Variants in ZNF667 observed in about 807,000 individuals in gnomAD.
ZNF667 encodes zinc finger protein 667.
A neutral mutation model predicts 31.8 loss-of-function variants in ZNF667; 13 were observed. That is an observed-to-expected ratio of 0.41 (90% confidence interval 0.27 to 0.65). The LOEUF is 0.65. ZNF667 is among the 30% of genes least tolerant of loss of function. ZNF667 has a pLI of 0.32. For synonymous variants in ZNF667, 228 were observed against 247.1 expected, an observed-to-expected ratio of 0.92 and a Z score of 0.73; for missense variants, 642 against 725.6, an observed-to-expected ratio of 0.88 and a Z score of 1.32.
At chr19:56,456,856 A>G (rs1223974712) in intron 6 of ZNF667, among the ~76,000 whole-genome samples, 1 of 152,232 alleles carries the variant, frequency 6.6e-6, no homozygotes, top group African/African-American at 2.4e-5. Context: ...ACTTTGTTAT[A>G]TGACTAAATT....
rs904784633 is a variant in ZNF667, at chr19:56,442,599, T to G, written c.396A>C (p.Val132=). The change falls in exon 7 of 7, where the codon GTA becomes GTC. Residue 132 remains valine (V), a synonymous_variant. Transcript: ENST00000504904. The part of the protein sequence containing the change: ...KSGCNKNSVL[V]KPKKGHSGKK... Reference sequence around the variant, plus strand: ...TCCCTGAATGCCCTTTCTTAGGTTTTACTAGGACTGAATTTTTGTTGCAGC... The same window carrying G: ...TCCCTGAATGCCCTTTCTTAGGTTTGACTAGGACTGAATTTTTGTTGCAGC... 1 of 1,614,000 alleles carries G rather than the reference T, an allele frequency of 6.2e-7. No homozygotes were observed. Among genetic ancestry groups the G allele is most frequent in the African/African-American group, 1.3e-5 (1 of 74,940 alleles).
chr19:56,466,328 G>GT (rs781459964), intron 3 of ZNF667, among the ~76,000 whole-genome samples: 17 of 152,346 alleles, frequency 1.1e-4, no homozygotes, highest in Non-Finnish European at 2.1e-4. Flanking sequence ...ACATAAGCCA[G>GT]TAAGAGGTAA....
At position 56,441,255 on chromosome 19, in the gene ZNF667, C is replaced by T; in HGVS notation, c.1740G>A (p.Glu580=). ...CACATTTACTACATTCATAGGGTTT[C>T]TCTGAAGAATGACTTCTCTGATGTC... ...LIRHQRSHSS[E]KPYECSKCGK... Residue 580 remains glutamate, a synonymous_variant, in exon 7 of 7, where the codon GAG becomes GAA. Coordinates refer to ENST00000504904, the MANE Select transcript of ZNF667 (RefSeq NM_001321356.2). This position sits in a 1 kb window ranked among gnomAD's most constrained non-coding sequence, Gnocchi z 4.2. The T allele has an allele frequency of 6.2e-7, 1 of 1,614,108 alleles. No individual in the cohort carries two copies. Among genetic ancestry groups the T allele is most frequent in the Non-Finnish European group, 8.5e-7 (1 of 1,179,978 alleles).
chr19:56,460,330 A>G (rs1042934972), intron 5 of ZNF667, among the ~76,000 whole-genome samples: 2 of 152,238 alleles, frequency 1.3e-5, no homozygotes, highest in African/African-American at 4.8e-5. Flanking sequence ...TTTCATATGT[A>G]TGAAAGGCCC....
chr19:56,458,080 G>A, intron 6 of ZNF667, 75 bp downstream of exon 6: 3 of 1,310,804 alleles, frequency 2.3e-6, no homozygotes. Context: ...GTGTTTGTAA[G>A]TCACCTAATA....
rs2042973488 is a variant in ZNF667 at position 56,458,222 on chromosome 19, C to T, written c.186G>A (p.Val62=). 1 of 1,614,086 alleles carries T rather than the reference C, an allele frequency of 6.2e-7. No homozygotes were observed. Among genetic ancestry groups the T allele is most frequent in the Admixed American group, 1.7e-5 (1 of 60,014 alleles). The change falls in exon 6 of 7, where the codon GTG becomes GTA. Residue 62 remains valine, a synonymous_variant. Transcript: ENST00000504904. Reference sequence around the variant, plus strand: ...CTTTCCCTTTCTCCAATAAGGTGATCACATTTGGTCTCCGAAAGGAAAGAC... The same window carrying T: ...CTTTCCCTTTCTCCAATAAGGTGATTACATTTGGTCTCCGAAAGGAAAGAC... ...SLGLSFRRPN[V]ITLLEKGKAP... is the part of the protein sequence containing the mutation.
intron 3 of ZNF667, chr19:56,466,933 C>G (rs2043173636): frequency 2.2e-6 from 1 of 450,354 alleles, no homozygotes; most frequent in African/African-American, 2.0e-5. Flanking sequence ...ACACCCTACT[C>G]TATAACAGGG....
chr19:56,461,125 C>CA (rs2043036482), intron 4 of ZNF667, among the ~76,000 whole-genome samples: 1 of 152,156 alleles, frequency 6.6e-6, no homozygotes, highest in Non-Finnish European at 1.5e-5. Context: ...TCATGTGAAT[C>CA]AGTGATAGAG....
intron 3 of ZNF667, among the ~76,000 whole-genome samples, chr19:56,471,284 C>G (rs769549593): frequency 6.6e-6 from 1 of 152,116 alleles, no homozygotes; most frequent in Non-Finnish European, 1.5e-5. Context: ...CCTGCAGAAC[C>G]GTGGGCCAAT....
intron 2 of ZNF667, 57 bp downstream of exon 2, chr19:56,473,955 G>A (rs1176425165): frequency 2.0e-5 from 3 of 152,142 alleles, no homozygotes; most frequent in Non-Finnish European, 4.4e-5. Context: ...TGTCATGAAC[G>A]TATAATTACA....
intron 3 of ZNF667, among the ~76,000 whole-genome samples, chr19:56,462,817 T>C (rs2043075514): frequency 6.6e-6 from 1 of 151,990 alleles, no homozygotes; most frequent in Non-Finnish European, 1.5e-5. Context: ...GGAAAGAAAG[T>C]CCATATAAAG....
In ZNF667 at chr19:56,440,554, G is replaced by T. The variant is rs986778454; in HGVS notation, c.*608C>A. ...TCTGTGACCTTAAATCAGGCTCAGAGCCCTATAATGGACTTCACAATTCTA... is the reference window on the plus strand; with the variant it reads ...TCTGTGACCTTAAATCAGGCTCAGATCCCTATAATGGACTTCACAATTCTA... On this transcript the variant is annotated 3_prime_UTR_variant, in exon 7 of 7. Coordinates refer to ENST00000504904, the MANE Select transcript of ZNF667 (RefSeq NM_001321356.2). 68 of 964,458 alleles carry T rather than the reference G, an allele frequency of 7.1e-5. No individual in the cohort carries two copies. The highest frequency in any genetic ancestry group is 8.0e-5 in the Non-Finnish European group (65 of 810,932). The allele number at this position is 964,458 out of a possible 1,614,324, so 59.7% of individuals were successfully genotyped here. A position where few individuals can be genotyped will look rare whatever the true frequency, so the allele number is the denominator to read the frequency against.
chr19:56,439,888 G>A lies in ZNF667; in HGVS notation c.*1274C>T, dbSNP rs990569811. The A allele has an allele frequency of 1.3e-5, 2 of 152,390 alleles. No homozygotes were observed. The highest frequency in any genetic ancestry group is 2.4e-5 in the African/African-American group (1 of 41,426). The allele number at this position is 152,390 out of a possible 1,614,324, so 9.4% of individuals were successfully genotyped here. ...TTAGCCAGGATTGTCTCAATCTCCT[G>A]ACCTCATGATCCACTCGCCTTGGCC... On this transcript the variant is annotated 3_prime_UTR_variant, in exon 7 of 7. Transcript: ENST00000504904.
intron 6 of ZNF667, 92 bp downstream of exon 6, chr19:56,458,063 A>C: frequency 8.8e-7 from 1 of 1,135,260 alleles, no homozygotes; most frequent in South Asian, 1.3e-5. Context: ...TGAGAAGTAG[A>C]TTTCTGGTGT....
chr19:56,457,934 A>G (rs1323691978), intron 6 of ZNF667, among the ~76,000 whole-genome samples: 2 of 151,790 alleles, frequency 1.3e-5, no homozygotes. Context: ...GAGCTCCCTC[A>G]CTCCTTCCTC....
chr19:56,457,462 C>A (rs146397741), intron 6 of ZNF667, among the ~76,000 whole-genome samples: 1 of 152,078 alleles, frequency 6.6e-6, no homozygotes, highest in Non-Finnish European at 1.5e-5. Context: ...AGCTGGGTGA[C>A]CTTGGGCAAG....
chr19:56,467,187 G>A, intron 3 of ZNF667: 1 of 372,544 alleles, frequency 2.7e-6, no homozygotes, highest in South Asian at 2.0e-5. Flanking sequence ...TCATCTGCCT[G>A]GGAATGGGGT....
chr19:56,467,198 G>T (rs1441401155), intron 3 of ZNF667: 9 of 363,608 alleles, frequency 2.5e-5, no homozygotes, highest in South Asian at 1.7e-4. Flanking sequence ...GGAATGGGGT[G>T]GGGGGGAAAT....
In ZNF667 at chr19:56,440,635, C is replaced by A. The variant is rs920121632; in HGVS notation, c.*527G>T. ...TAAAACTATGCTGGAAGTAAAATAT[C>A]GGTAATTTTTTTTTTTTTTGACACA... On this transcript the variant is annotated 3_prime_UTR_variant, in exon 7 of 7. Transcript: ENST00000504904. 8 of 932,108 alleles carry A rather than the reference C, an allele frequency of 8.6e-6. No individual in the cohort carries two copies. Among genetic ancestry groups the A allele is most frequent in the Non-Finnish European group, 1.0e-5 (8 of 798,418 alleles). The allele number at this position is 932,108 out of a possible 1,614,324, so 57.7% of individuals were successfully genotyped here.
Sources: gnomAD v4.1 joint callset for allele counts (sites outside exome capture counted in the v4.1 genomes callset) on GRCh38, gnomAD v4.1.1 for gene constraint, Gnocchi (gnomAD v3.1) non-coding constraint, MANE v1.5 for transcripts, NCBI Gene and HGNC (gene_info 2026-07-23, HGNC 2026-07-21) for gene names.